The following GLIS3 variants were observed in gnomAD, a reference collection of about 807,000 sequenced individuals.
GLIS3 encodes the protein GLIS family zinc finger 3.
GLIS3 carries 53 observed loss-of-function variants against 78.6 expected under a neutral mutation model. The observed-to-expected ratio is 0.67, with a 90% CI of 0.54 to 0.85. The LOEUF is 0.85. Ranked by LOEUF, GLIS3 falls within the 40% of genes least tolerant of loss-of-function variation. GLIS3 has a pLI of 0.00. For synonymous variants in GLIS3, 684 were observed against 509.9 expected, an observed-to-expected ratio of 1.34 and a Z score of -4.60; for missense variants, 1,703 against 1,231.1, an observed-to-expected ratio of 1.38 and a Z score of -5.74.
At chr9:4,111,559 C>G (rs1831209168) in intron 4 of GLIS3, among the ~76,000 whole-genome samples, 1 of 152,140 alleles carries the variant, frequency 6.6e-6, no homozygotes, top group Non-Finnish European at 1.5e-5. Flanking sequence ...TTGACAGATG[C>G]CTTATAGACT....
At chr9:4,093,014 C>T (rs1009279945) in intron 4 of GLIS3, among the ~76,000 whole-genome samples, 2 of 152,184 alleles carry the variant, frequency 1.3e-5, no homozygotes, top group African/African-American at 4.8e-5. Flanking sequence ...AGGAATTTTT[C>T]AGCTCCTTTA....
intron 2 of GLIS3, among the ~76,000 whole-genome samples, chr9:4,344,643 G>T (rs1817876697): frequency 1.3e-5 from 2 of 152,156 alleles, no homozygotes; most frequent in South Asian, 4.1e-4. Context: ...AAACTTTCCA[G>T]TGAATTTTAG....
intron 2 of GLIS3, among the ~76,000 whole-genome samples, chr9:4,251,512 T>A (rs1587151496): frequency 6.6e-6 from 1 of 152,112 alleles, no homozygotes; most frequent in East Asian, 1.9e-4. Flanking sequence ...TCTTTGCATG[T>A]GAGATGAGTC....
chr9:4,190,223 C>A (rs986626888), intron 2 of GLIS3, among the ~76,000 whole-genome samples: 1 of 152,182 alleles, frequency 6.6e-6, no homozygotes, highest in Non-Finnish European at 1.5e-5. Flanking sequence ...TTCAGACAAT[C>A]AAACTACTCC....
intron 2 of GLIS3, among the ~76,000 whole-genome samples, chr9:4,162,965 C>T (rs1835612789): frequency 6.6e-6 from 1 of 151,762 alleles, no homozygotes; most frequent in African/African-American, 2.4e-5. Context: ...GAACTAATCT[C>T]TTCTCTGGAC....
chr9:4,099,565 CCG>C, intron 4 of GLIS3, among the ~76,000 whole-genome samples: 1 of 152,272 alleles, frequency 6.6e-6, no homozygotes, highest in Admixed American at 6.5e-5. Flanking sequence ...TCTCTAAAGA[CCG>C]TGTTTTCACA....
intron 2 of GLIS3, among the ~76,000 whole-genome samples, chr9:4,342,668 A>G (rs1432134599): frequency 6.6e-6 from 1 of 152,218 alleles, no homozygotes; most frequent in East Asian, 1.9e-4. Flanking sequence ...ATAGCATTAA[A>G]TCTGTAAATT....
chr9:4,381,090 T>G, the GLIS3 span, among the ~76,000 whole-genome samples: 2 of 152,128 alleles, frequency 1.3e-5, no homozygotes, highest in African/African-American at 2.4e-5. Flanking sequence ...AGGGGAAATC[T>G]TACTCATCAA....
At chr9:4,166,034 C>G (rs563985098) in intron 2 of GLIS3, among the ~76,000 whole-genome samples, 40 of 152,284 alleles carry the variant, frequency 2.6e-4, no homozygotes, top group African/African-American at 8.7e-4. Flanking sequence ...GACCAGGTGC[C>G]TTCAAAGCCT....
the GLIS3 span, among the ~76,000 whole-genome samples, chr9:4,451,620 G>A: frequency 6.9e-4 from 105 of 152,154 alleles, no homozygotes; most frequent in African/African-American, 2.0e-3. Context: ...CTCAGCAAAC[G>A]TAAAATAACA....
intron 9 of GLIS3, among the ~76,000 whole-genome samples, chr9:3,842,065 G>C (rs890664134): frequency 6.6e-6 from 1 of 152,216 alleles, no homozygotes; most frequent in African/African-American, 2.4e-5. Context: ...AGATCCGGCA[G>C]AGAAGATTCC....
At chr9:3,908,903 C>A (rs774443562) in intron 6 of GLIS3, among the ~76,000 whole-genome samples, 1 of 152,092 alleles carries the variant, frequency 6.6e-6, no homozygotes, top group African/African-American at 2.4e-5. Flanking sequence ...AGTTCCATTA[C>A]ATTTTATTCT....
At chr9:3,965,157 TTACCC>T (rs1817835586) in intron 4 of GLIS3, among the ~76,000 whole-genome samples, 1 of 151,090 alleles carries the variant, frequency 6.6e-6, no homozygotes, top group Non-Finnish European at 1.5e-5. Flanking sequence ...GGAGTTTCCT[TTACCC>T]TACTTCTTTT....
chr9:4,180,412 T>A (rs960056370), intron 2 of GLIS3, among the ~76,000 whole-genome samples: 1 of 152,146 alleles, frequency 6.6e-6, no homozygotes, highest in Non-Finnish European at 1.5e-5. Context: ...GCTTGGGCTG[T>A]TTAGCTGCTC....
At chr9:3,909,480 T>C (rs368147195) in intron 6 of GLIS3, among the ~76,000 whole-genome samples, 5 of 152,274 alleles carry the variant, frequency 3.3e-5, no homozygotes, top group African/African-American at 1.2e-4. Flanking sequence ...GAAACGGCAT[T>C]GGAAGGAATC....
chr9:4,184,773 G>A (rs1586908482), intron 2 of GLIS3, among the ~76,000 whole-genome samples: 1 of 152,160 alleles, frequency 6.6e-6, no homozygotes, highest in Admixed American at 6.5e-5. Context: ...TATATTAAGT[G>A]CTTTTATGTA....
chr9:4,158,496 C>T (rs1835211171), intron 2 of GLIS3, among the ~76,000 whole-genome samples: 1 of 152,206 alleles, frequency 6.6e-6, no homozygotes, highest in Non-Finnish European at 1.5e-5. Flanking sequence ...TTCAGCTATA[C>T]TGTCTCCTGT....
In GLIS3 at chr9:3,914,381, G is replaced by A. The variant is rs370732871; in HGVS notation, c.1984-15546C>T. 1.8e-3 allele frequency among the ~76,000 whole-genome samples: 266 copies of A among 148,008 alleles called. 5 individuals carry two copies. In the South Asian group the frequency reaches 0.024, roughly 13 times the overall value. The stretch of plus-strand genomic sequence containing the variant: ...AAGATCTCACTATGTTGCTGAGGCT[G>A]CTCTTGAACTCCTGGGCTCAAGTGA... On this transcript the variant is annotated intron_variant, in intron 6 of 10. Transcript: ENST00000381971.
intron 2 of GLIS3, among the ~76,000 whole-genome samples, chr9:4,160,796 G>A (rs1330831825): frequency 3.3e-5 from 5 of 152,070 alleles, no homozygotes; most frequent in Admixed American, 6.5e-5. Context: ...TTTAACTTCT[G>A]GAGGCATGTA....
Sources: allele counts gnomAD v4.1 joint callset (sites outside exome capture counted in the v4.1 genomes callset), GRCh38; gene constraint gnomAD v4.1.1; transcripts MANE v1.5; gene names NCBI Gene and HGNC (gene_info 2026-07-23, HGNC 2026-07-21).